The following EMSY variants were observed in gnomAD, a reference collection of about 807,000 sequenced individuals.
EMSY encodes the protein BRCA2-interacting transcriptional repressor EMSY.
EMSY carries 26 observed loss-of-function variants against 134.6 expected under a neutral mutation model. The ratio of observed to expected loss-of-function variants is 0.19; its 90% CI spans 0.14 to 0.27. The LOEUF (loss-of-function observed/expected upper bound fraction) is 0.27, where lower values mean the gene tolerates loss of function less well. Among genes scored for constraint, EMSY ranks in the 10% least tolerant of loss-of-function variants. The pLI, the probability that EMSY is intolerant of heterozygous loss-of-function variation, is 1.00. For synonymous variants in EMSY, 579 were observed against 577.8 expected, an observed-to-expected ratio of 1.00 and a Z score of -0.03; for missense variants, 1,305 against 1,611.4, an observed-to-expected ratio of 0.81 and a Z score of 3.26.
intron 1 of EMSY, 28 bp from the exon 2 acceptor site, chr11:76,446,872 A>C: frequency 6.6e-7 from 1 of 1,513,422 alleles, no homozygotes; most frequent in Non-Finnish European, 9.1e-7. Context: ...TACTTTGGTA[A>C]TTTGACTTTT....
chr11:76,500,724 A>G (rs1029917232), intron 9 of EMSY, among the ~76,000 whole-genome samples: 1 of 152,260 alleles, frequency 6.6e-6, no homozygotes, highest in Non-Finnish European at 1.5e-5. Flanking sequence ...CTGTCATCCC[A>G]AAGTGACTGT....
At chr11:76,448,829 C>T (rs192946556) in intron 2 of EMSY, among the ~76,000 whole-genome samples, 1 of 151,918 alleles carries the variant, frequency 6.6e-6, no homozygotes, top group Admixed American at 6.6e-5. Flanking sequence ...TAGCTGTATC[C>T]TTTAAAAAAT....
At chr11:76,483,665 A>G (rs1044567542) in intron 8 of EMSY, among the ~76,000 whole-genome samples, 6 of 152,222 alleles carry the variant, frequency 3.9e-5, no homozygotes, top group African/African-American at 1.4e-4. Context: ...GCATTACATA[A>G]TGGTAAAGAG....
At chr11:76,542,738 T>TTTTTTTC (rs1951486894) in intron 18 of EMSY, among the ~76,000 whole-genome samples, 1 of 120,260 alleles carries the variant, frequency 8.3e-6, no homozygotes, top group Admixed American at 7.7e-5. Context: ...GTTTGTAGTT[T>TTTTTTTC]GTTTTTCGTT....
chr11:76,488,691 C>A (rs1949291651), intron 8 of EMSY, among the ~76,000 whole-genome samples: 1 of 152,132 alleles, frequency 6.6e-6, no homozygotes, highest in African/African-American at 2.4e-5. Flanking sequence ...TATTATCTCA[C>A]AAAACCAGAA....
intron 10 of EMSY, among the ~76,000 whole-genome samples, chr11:76,515,605 G>A (rs1385930659): frequency 6.6e-6 from 1 of 152,130 alleles, no homozygotes; most frequent in Non-Finnish European, 1.5e-5. Flanking sequence ...TTACTAAAAT[G>A]ATAGAATAAC....
intron 2 of EMSY, among the ~76,000 whole-genome samples, chr11:76,450,587 G>A (rs1443543291): frequency 6.6e-6 from 1 of 151,570 alleles, no homozygotes; most frequent in Admixed American, 6.6e-5. Context: ...AACCTCCCAG[G>A]CTCAAGTGAT....
intron 7 of EMSY, among the ~76,000 whole-genome samples, chr11:76,465,497 A>G (rs1948312733): frequency 1.3e-5 from 2 of 150,766 alleles, no homozygotes; most frequent in South Asian, 4.2e-4. Context: ...CAGTATTTTT[A>G]TTTTCTTTAT....
At chr11:76,458,307 A>T in exon 5 of EMSY, 1 of 1,613,968 alleles carries the variant, frequency 6.2e-7, no homozygotes, top group Non-Finnish European at 8.5e-7. Context: ...TAATGCAGCT[A>T]TCCAGCATAA....
At chr11:76,445,530 C>T (rs1947343742) in intron 1 of EMSY, among the ~76,000 whole-genome samples, 1 of 151,982 alleles carries the variant, frequency 6.6e-6, no homozygotes, top group African/African-American at 2.4e-5. Context: ...CCTGGGCTGG[C>T]TGCTCTTGTT....
At chr11:76,513,501 A>G (rs1360228842) in exon 10 of EMSY, 1 of 1,613,536 alleles carries the variant, frequency 6.2e-7, no homozygotes, top group Non-Finnish European at 8.5e-7. Flanking sequence ...GTAATGGTGC[A>G]ATTATGACAA....
At chr11:76,539,515 T>A (rs1951351447) in intron 16 of EMSY, 84 bp from the exon 18 acceptor site, 2 of 1,390,070 alleles carry the variant, frequency 1.4e-6, no homozygotes, top group Admixed American at 1.7e-5. Flanking sequence ...CTGGGGAACA[T>A]AAATAACCTC....
chr11:76,518,465 G>A (rs1334357752), intron 11 of EMSY, among the ~76,000 whole-genome samples: 1 of 151,390 alleles, frequency 6.6e-6, no homozygotes, highest in Admixed American at 6.6e-5. Flanking sequence ...ACCATGCCTG[G>A]CTCTTTTCTT....
At chr11:76,497,995 CTG>C (rs552076045) in intron 9 of EMSY, among the ~76,000 whole-genome samples, 72 of 152,156 alleles carry the variant, frequency 4.7e-4, no homozygotes, top group Non-Finnish European at 8.4e-4. Flanking sequence ...TCTCTCGGCA[CTG>C]TGTTAGCTGC....
At chr11:76,506,916 A>T (rs951215122) in intron 9 of EMSY, among the ~76,000 whole-genome samples, 4 of 152,212 alleles carry the variant, frequency 2.6e-5, no homozygotes, top group Non-Finnish European at 5.9e-5. Flanking sequence ...TGAATTTTAA[A>T]AAAAGAAAGA....
chr11:76,516,414 T>C (rs1432983958), intron 11 of EMSY, 102 bp downstream of exon 12: 3 of 901,922 alleles, frequency 3.3e-6, no homozygotes, highest in South Asian at 2.7e-5. Flanking sequence ...AATTTTTTGC[T>C]TAGAAATCTA....
chr11:76,501,002 G>C (rs1375137664), intron 9 of EMSY, among the ~76,000 whole-genome samples: 1 of 152,090 alleles, frequency 6.6e-6, no homozygotes, highest in Non-Finnish European at 1.5e-5. Flanking sequence ...TATAAAAAAT[G>C]GTGTAGTATT....
intron 11 of EMSY, among the ~76,000 whole-genome samples, chr11:76,520,727 A>T (rs1950610859): frequency 1.3e-5 from 2 of 152,304 alleles, no homozygotes; most frequent in Admixed American, 1.3e-4. Context: ...CAAAATTAAC[A>T]TATAACTAGA....
At chr11:76,516,514 A>C in intron 11 of EMSY, 1 of 360,494 alleles carries the variant, frequency 2.8e-6, no homozygotes, top group Non-Finnish European at 4.9e-6. Context: ...TGATAGTTTT[A>C]AAATGGAAAG....
Sources: allele counts gnomAD v4.1 joint callset (sites outside exome capture counted in the v4.1 genomes callset), GRCh38; gene constraint gnomAD v4.1.1; transcripts MANE v1.5; gene names NCBI Gene and HGNC (gene_info 2026-07-23, HGNC 2026-07-21).